ACOX3: variants seen among roughly 807,000 people sequenced by gnomAD.
ACOX3 encodes the protein peroxisomal acyl-coenzyme A oxidase 3.
In ACOX3, 73 loss-of-function variants were observed where a neutral mutation model predicts 81.5. That is an observed-to-expected ratio of 0.90 (90% CI 0.74 to 1.09). The LOEUF (loss-of-function observed/expected upper bound fraction) is 1.09, where lower values mean the gene tolerates loss of function less well. Ranked by LOEUF, ACOX3 falls within the 50% of genes least tolerant of loss-of-function variation. The pLI is 0.00. For synonymous variants in ACOX3, 387 were observed against 375.1 expected (o/e 1.03, Z -0.37); for missense variants, 947 against 928.0 (o/e 1.02, Z -0.27).
At chr4:8,361,357 C>T (rs541974635), downstream of ACOX3, among the ~76,000 whole-genome samples, 121 of 126,220 alleles carry the variant, frequency 9.6e-4, no homozygotes, top group Non-Finnish European at 1.7e-3. Context: ...ACCCAGGAGG[C>T]GGAGCTCGCA....
chr4:8,428,143 A>T (rs903505251), intron 1 of ACOX3, among the ~76,000 whole-genome samples: 2 of 152,222 alleles, frequency 1.3e-5, no homozygotes, highest in Non-Finnish European at 2.9e-5. Flanking sequence ...AGTCCTCCGA[A>T]TGCCCAGCAC....
chr4:8,408,892 G>T (rs1721340671), intron 6 of ACOX3, among the ~76,000 whole-genome samples: 2 of 8,174 alleles, frequency 2.4e-4, no homozygotes, highest in South Asian at 7.7e-3. Flanking sequence ...AGCCCTCACT[G>T]GGGGGGGGGG....
intron 7 of ACOX3, among the ~76,000 whole-genome samples, chr4:8,401,633 C>T (rs1019194505): frequency 2.0e-5 from 3 of 152,228 alleles, no homozygotes; most frequent in Non-Finnish European, 2.9e-5. Context: ...TTCGGAATGG[C>T]GGAGGCCAAT....
chr4:8,404,205 C>A (rs1389621170), intron 7 of ACOX3, among the ~76,000 whole-genome samples: 1 of 152,222 alleles, frequency 6.6e-6, no homozygotes, highest in Non-Finnish European at 1.5e-5. Context: ...GAACAGCGAC[C>A]CTCCATACCT....
chr4:8,421,351 C>T (rs1722924953), intron 1 of ACOX3, among the ~76,000 whole-genome samples: 2 of 152,242 alleles, frequency 1.3e-5, no homozygotes, highest in Non-Finnish European at 2.9e-5. Flanking sequence ...GAGCATTGGT[C>T]TGCCTGGAAC....
At chr4:8,436,559 G>A (rs938997134) in intron 1 of ACOX3, among the ~76,000 whole-genome samples, 5 of 152,054 alleles carry the variant, frequency 3.3e-5, no homozygotes, top group Admixed American at 2.0e-4. Context: ...GTACTAAGAG[G>A]CACTTCTGCA....
At chr4:8,392,271 G>A (rs1223501795) in intron 11 of ACOX3, 62 bp downstream of exon 11, 1 of 1,391,060 alleles carries the variant, frequency 7.2e-7, no homozygotes, top group Non-Finnish European at 9.4e-7. Context: ...GCCGACCCCT[G>A]GTCTAGAGTC....
In ACOX3 at chr4:8,413,722, C is replaced by G. The variant is rs908905971; in HGVS notation, c.543+570G>C. 5.3e-5 allele frequency among the ~76,000 whole-genome samples: 8 copies of G among 152,126 alleles called. No individual in the cohort carries two copies. The East Asian group carries it at 1.3e-3, about 26-fold the overall frequency. On this transcript the variant is annotated intron_variant, in intron 5 of 17. Coordinates refer to ENST00000356406, the MANE Select transcript of ACOX3 (RefSeq NM_003501.3). ...ACCCCGTGCCCCTCCACAGCACTGA[C>G]AGCCCCAGGGCATCCATCTGTGGCC... is the stretch of plus-strand genomic sequence containing the variant.
Position 8,392,353 on chromosome 4 carries a change from C to T in ACOX3, c.1280G>A (p.Gly427Glu). Residue 427 changes from glycine to glutamate, a missense_variant, in exon 11 of 18, where the codon GGA (glycine) becomes GAA (glutamate). Gly to Glu is a moderately conservative substitution (Grantham distance 98). Coordinates refer to ENST00000356406, the MANE Select transcript of ACOX3 (RefSeq NM_003501.3). Reference protein sequence around the residue: ...QGIQECREACGGHGYLAMNRL... With the variant: ...QGIQECREACEGHGYLAMNRL... ...CCTACTGGCCAGATAGCCGTGTCCT[C>T]CACACGCCTCCCGGCATTCCTGAAT... is the stretch of plus-strand genomic sequence containing the variant. 6.2e-7 allele frequency: 1 copy of T among 1,601,436 alleles called. No individual in the cohort carries two copies. Among genetic ancestry groups the T allele is most frequent in the Non-Finnish European group, 8.5e-7 (1 of 1,175,130 alleles).
chr4:8,426,079 G>C (rs1723451211), intron 1 of ACOX3, among the ~76,000 whole-genome samples: 1 of 152,124 alleles, frequency 6.6e-6, no homozygotes, highest in Admixed American at 6.5e-5. Context: ...CATACGAAAT[G>C]CTGTATGGAC....
Position 8,389,520 on chromosome 4 carries a change from T to C in ACOX3, c.1423+92A>G, listed in dbSNP as rs2108855380. 3 of 1,576,804 alleles carry C rather than the reference T, an allele frequency of 1.9e-6. No homozygotes were observed. Among genetic ancestry groups the C allele is most frequent in the Non-Finnish European group, 2.6e-6 (3 of 1,155,222 alleles). ...TTTCCTTCTGCAAACCTAGGATGCA[T>C]TCACAGAACAGCTGAATCAGTGAGG... On this transcript the variant is annotated intron_variant, in intron 12 of 17. Transcript: ENST00000356406. The surrounding 1 kb of genome is among the most constrained non-coding windows in gnomAD (Gnocchi z 5.3).
At chr4:8,427,734 C>A (rs1460729193) in intron 1 of ACOX3, among the ~76,000 whole-genome samples, 1 of 152,242 alleles carries the variant, frequency 6.6e-6, no homozygotes, top group African/African-American at 2.4e-5. Flanking sequence ...TTGGGACCGG[C>A]CTGCCACCAC....
chr4:8,434,851 T>C (rs1324859915), intron 1 of ACOX3, among the ~76,000 whole-genome samples: 1 of 152,270 alleles, frequency 6.6e-6, no homozygotes, highest in African/African-American at 2.4e-5. Context: ...GTTCTGATTT[T>C]GACTTGGCTT....
In ACOX3 at chr4:8,367,074, T is replaced by C; in HGVS notation, c.1990A>G (p.Lys664Glu). ...TGCAGGACAGCGCCCCAGAGGTTTTTGTAGAGCTGCAAACAACACGTACAC... is the reference window on the plus strand; with the variant it reads ...TGCAGGACAGCGCCCCAGAGGTTTTCGTAGAGCTGCAAACAACACGTACAC... ...PIGRADGELYKNLWGAVLQES... is the reference protein window; with the variant it reads ...PIGRADGELYENLWGAVLQES... Residue 664 changes from lysine (K) to glutamate (E), a missense_variant, in exon 18 of 18, where the codon AAA becomes GAA. Transcript: ENST00000356406. 1.9e-6 allele frequency: 3 copies of C among 1,613,956 alleles called. No individual in the cohort carries two copies. The highest frequency in any genetic ancestry group is 2.5e-6 in the Non-Finnish European group (3 of 1,179,928).
At position 8,416,490 on chromosome 4, in the gene ACOX3, G is replaced by C. The variant is rs145852867; in HGVS notation, c.32C>G (p.Ala11Gly). The C allele has an allele frequency of 1.2e-6, 2 of 1,612,890 alleles. No homozygotes were observed. Among genetic ancestry groups the C allele is most frequent in the South Asian group, 2.2e-5 (2 of 90,980 alleles). Residue 11 changes from alanine (A) to glycine (G), a missense_variant, in exon 2 of 18, where the codon GCT (alanine) becomes GGT (glycine). Coordinates refer to ENST00000356406, the MANE Select transcript of ACOX3 (RefSeq NM_003501.3). This position sits in a 1 kb window ranked among gnomAD's most constrained non-coding sequence, Gnocchi z 4.2. Reference sequence around the variant, plus strand: ...CCCCCTGGGGAATTCTGGGAGCAGAGCTGTGTCGCCTCCTTCCACAGTGGA... The same window carrying C: ...CCCCCTGGGGAATTCTGGGAGCAGACCTGTGTCGCCTCCTTCCACAGTGGA... MASTVEGGDT[A>G]LLPEFPRGPL...
rs938158567 is a variant in ACOX3 at position 8,375,249 on chromosome 4, C to T, written c.1654-97G>A. The T allele has an allele frequency of 2.9e-5, 36 of 1,224,288 alleles. No individual in the cohort carries two copies. The East Asian group carries it at 9.3e-4, about 32-fold the overall frequency. The allele number at this position is 1,224,288 out of a possible 1,614,324, so 75.8% of individuals were successfully genotyped here. The stretch of plus-strand genomic sequence containing the variant: ...CTCAGGAAACACGAACGCGGGTCTG[C>T]GTTCCCGTGCATGTCCTAGGACAGT... On this transcript the variant is annotated intron_variant, in intron 14 of 17. Transcript: ENST00000356406.
At position 8,406,555 on chromosome 4, in the gene ACOX3, G is replaced by A. The variant is rs118003407; in HGVS notation, c.688-512C>T. Among the ~76,000 whole-genome samples, 245 of 152,076 alleles carry A rather than the reference G, an allele frequency of 1.6e-3. 2 individuals carry two copies. In the East Asian group the frequency reaches 0.043, roughly 27 times the overall value. On this transcript the variant is annotated intron_variant, in intron 6 of 17. Transcript: ENST00000356406. This position sits in a 1 kb window ranked among gnomAD's most constrained non-coding sequence, Gnocchi z 5.6. ...AGACACGGAGACCGGTAGTGGCCCC[G>A]AAGGCCAGGCTGCACTGATACTTAT...
intron 1 of ACOX3, among the ~76,000 whole-genome samples, chr4:8,422,730 G>C (rs544552730): frequency 1.1e-4 from 17 of 152,386 alleles, no homozygotes; most frequent in Non-Finnish European, 2.1e-4. Context: ...TATCGCAGCA[G>C]GGGAGGTAAG....
chr4:8,402,711 C>T (rs113032819), intron 7 of ACOX3, among the ~76,000 whole-genome samples: 4,230 of 152,236 alleles, frequency 0.028, 190 homozygotes, highest in African/African-American at 0.097. Flanking sequence ...CAGCGGGAGA[C>T]GTGTGCGTGT....
Sources: allele counts gnomAD v4.1 joint callset (sites outside exome capture counted in the v4.1 genomes callset), GRCh38; gene constraint gnomAD v4.1.1; non-coding constraint Gnocchi (gnomAD v3.1); transcripts MANE v1.5; gene names NCBI Gene and HGNC (gene_info 2026-07-23, HGNC 2026-07-21).